ASPH: variants seen among roughly 807,000 people sequenced by gnomAD.
ASPH encodes the protein aspartyl/asparaginyl beta-hydroxylase.
In ASPH, 100 loss-of-function variants were observed where a neutral mutation model predicts 118.4. That is an observed-to-expected ratio of 0.84 (90% CI 0.72 to 1.00). The LOEUF is 1.00. Ranked by LOEUF, ASPH falls within the 50% of genes least tolerant of loss-of-function variation. The pLI is 0.00. For missense variants in ASPH, 920 were observed against 919.5 expected (o/e 1.00, Z -0.01); for synonymous variants, 315 against 325.6 (o/e 0.97, Z 0.35).
At chr8:61,648,765 T>C (rs1464098183) in intron 5 of ASPH, among the ~76,000 whole-genome samples, 2 of 152,334 alleles carry the variant, frequency 1.3e-5, no homozygotes, top group East Asian at 1.9e-4. Flanking sequence ...CAGGTACTGG[T>C]ATCCTACTTT....
chr8:61,710,099 A>G (rs1397706413), intron 1 of ASPH, among the ~76,000 whole-genome samples: 2 of 152,234 alleles, frequency 1.3e-5, no homozygotes, highest in African/African-American at 4.8e-5. Context: ...GACGTACTTT[A>G]ACGGAAACAA....
At chr8:61,573,488 A>C (rs1265102099) in intron 16 of ASPH, among the ~76,000 whole-genome samples, 2 of 152,214 alleles carry the variant, frequency 1.3e-5, no homozygotes, top group Admixed American at 6.5e-5. Flanking sequence ...AGTAACCAAA[A>C]CAGCATTGTA....
At chr8:61,626,594 G>C (rs903570483) in intron 13 of ASPH, among the ~76,000 whole-genome samples, 8 of 151,338 alleles carry the variant, frequency 5.3e-5, no homozygotes, top group African/African-American at 1.9e-4. Flanking sequence ...CTATTAAAAA[G>C]AAACAGAAAT....
At chr8:61,676,963 T>C (rs1387808577) in intron 3 of ASPH, among the ~76,000 whole-genome samples, 3 of 152,130 alleles carry the variant, frequency 2.0e-5, no homozygotes, top group African/African-American at 4.8e-5. Flanking sequence ...ACACTTAAAT[T>C]TTAACACTAT....
chr8:61,613,364 A>G (rs1848055677), intron 14 of ASPH, among the ~76,000 whole-genome samples: 1 of 152,180 alleles, frequency 6.6e-6, no homozygotes, highest in Non-Finnish European at 1.5e-5. Flanking sequence ...AGCCTCTACA[A>G]TCACGTAAGC....
rs185430613 is a variant in ASPH at position 61,590,050 on chromosome 8, G to A, written c.977-6021C>T. On this transcript the variant is annotated intron_variant, in intron 14 of 24. Coordinates refer to ENST00000379454, the MANE Select transcript of ASPH (RefSeq NM_004318.4). ...GTTAGGTTTTTTTGTTTGTTTTTTGGTTTTTTTGTTTTGTTTTTAATGTGA... is the reference window on the plus strand; with the variant it reads ...GTTAGGTTTTTTTGTTTGTTTTTTGATTTTTTTGTTTTGTTTTTAATGTGA... Among the ~76,000 whole-genome samples, 16 of 152,022 alleles carry A rather than the reference G, an allele frequency of 1.1e-4. No individual in the cohort carries two copies. In the East Asian group the frequency reaches 3.1e-3, roughly 29 times the overall value.
intron 14 of ASPH, among the ~76,000 whole-genome samples, chr8:61,609,755 C>T (rs1846728148): frequency 1.3e-5 from 2 of 152,064 alleles, no homozygotes; most frequent in African/African-American, 4.8e-5. Context: ...ATGAAAAGTG[C>T]TATGGGGAAG....
intron 22 of ASPH, among the ~76,000 whole-genome samples, chr8:61,525,292 G>A (rs1234089763): frequency 6.6e-6 from 1 of 152,052 alleles, no homozygotes; most frequent in Non-Finnish European, 1.5e-5. Flanking sequence ...GAAAATTGGA[G>A]TCTTAAATGC....
intron 14 of ASPH, among the ~76,000 whole-genome samples, chr8:61,616,138 G>A (rs1454668710): frequency 2.0e-5 from 3 of 152,148 alleles, no homozygotes; most frequent in Non-Finnish European, 4.4e-5. Flanking sequence ...AATGGGGGGA[G>A]AGTGACAAAC....
intron 14 of ASPH, among the ~76,000 whole-genome samples, chr8:61,615,930 T>C (rs898887124): frequency 6.6e-6 from 1 of 152,208 alleles, no homozygotes; most frequent in Non-Finnish European, 1.5e-5. Context: ...CAGATAACAG[T>C]ATCATATGAA....
At chr8:61,620,421 G>A (rs1564036481) in intron 13 of ASPH, among the ~76,000 whole-genome samples, 1 of 4,458 alleles carries the variant, frequency 2.2e-4, no homozygotes, top group African/African-American at 2.3e-3. Context: ...GCAAAGAGTT[G>A]ATTGATTTTA....
intron 14 of ASPH, among the ~76,000 whole-genome samples, chr8:61,587,773 C>T (rs1476089155): frequency 1.3e-5 from 2 of 152,072 alleles, no homozygotes; most frequent in African/African-American, 2.4e-5. Context: ...AAATTTTATC[C>T]TATTTTTATT....
chr8:61,621,813 C>G (rs1851029789), intron 13 of ASPH, among the ~76,000 whole-genome samples: 1 of 152,224 alleles, frequency 6.6e-6, no homozygotes, highest in South Asian at 2.1e-4. Flanking sequence ...GAGCTATATG[C>G]TCAGCCCATC....
intron 16 of ASPH, among the ~76,000 whole-genome samples, chr8:61,575,256 T>C (rs1834755993): frequency 6.6e-6 from 1 of 152,240 alleles, no homozygotes; most frequent in Non-Finnish European, 1.5e-5. Flanking sequence ...GGTAAGATGA[T>C]CTAACATATT....
At chr8:61,526,795 TC>T (rs1376478376) in intron 21 of ASPH, among the ~76,000 whole-genome samples, 1 of 151,962 alleles carries the variant, frequency 6.6e-6, no homozygotes, top group Non-Finnish European at 1.5e-5. Context: ...CTGTGGAAGA[TC>T]CTCTGGGCAA....
intron 14 of ASPH, among the ~76,000 whole-genome samples, chr8:61,611,553 G>A (rs537687001): frequency 3.9e-4 from 59 of 152,286 alleles, no homozygotes; most frequent in Non-Finnish European, 5.1e-4. Flanking sequence ...AGTACAAGTC[G>A]TTATGTTTTG....
At chr8:61,654,671 C>T (rs1272758843) in intron 3 of ASPH, among the ~76,000 whole-genome samples, 1 of 152,066 alleles carries the variant, frequency 6.6e-6, no homozygotes, top group Admixed American at 6.5e-5. Context: ...AAACATACTC[C>T]CACATTCCTC....
chr8:61,676,556 C>T (rs1825489089), intron 3 of ASPH, among the ~76,000 whole-genome samples: 1 of 152,122 alleles, frequency 6.6e-6, no homozygotes, highest in Non-Finnish European at 1.5e-5. Context: ...AGCCCCTACC[C>T]AGGTTTACCT....
intron 3 of ASPH, among the ~76,000 whole-genome samples, chr8:61,679,964 AAC>A (rs1827229812): frequency 1.5e-5 from 2 of 135,166 alleles, no homozygotes; most frequent in African/African-American, 2.5e-5. Context: ...AAAAACAAAA[AAC>A]ACCAACACAG....
Sources: allele counts gnomAD v4.1 joint callset (sites outside exome capture counted in the v4.1 genomes callset), GRCh38; gene constraint gnomAD v4.1.1; transcripts MANE v1.5; gene names NCBI Gene and HGNC (gene_info 2026-07-23, HGNC 2026-07-21).